Variants in LUZP2 observed in about 807,000 individuals in gnomAD.
LUZP2 encodes leucine zipper protein 2.
Under a neutral mutation model 51.6 loss-of-function variants are expected in LUZP2, and 52 were observed. That is an observed-to-expected ratio of 1.01 (90% CI 0.81 to 1.27). The LOEUF is 1.27. LUZP2 is among the 50% of genes most tolerant of loss of function. The probability of loss-of-function intolerance (pLI) is 0.00; values close to 1 mark genes in which losing one functional copy is unlikely to be tolerated. For missense variants in LUZP2, 436 were observed against 395.4 expected, an observed-to-expected ratio of 1.10 and a Z score of -0.87; for synonymous variants, 154 against 137.3, an observed-to-expected ratio of 1.12 and a Z score of -0.85.
chr11:24,595,413 T>C (rs1264531395), intron 1 of LUZP2, among the ~76,000 whole-genome samples: 3 of 152,120 alleles, frequency 2.0e-5, no homozygotes, highest in Non-Finnish European at 4.4e-5. Context: ...GGTTAGCGGT[T>C]TACATTAGTC....
At chr11:24,656,730 T>C (rs527393045) in intron 1 of LUZP2, among the ~76,000 whole-genome samples, 2 of 152,186 alleles carry the variant, frequency 1.3e-5, no homozygotes, top group Non-Finnish European at 2.9e-5. Context: ...TAAGGCTCCT[T>C]TTCTCCAACT....
intron 9 of LUZP2, among the ~76,000 whole-genome samples, chr11:24,986,952 A>G (rs372236883): frequency 6.6e-6 from 1 of 151,934 alleles, no homozygotes; most frequent in East Asian, 1.9e-4. Context: ...TAGTCAGACT[A>G]AGTAAAAATC....
intron 5 of LUZP2, among the ~76,000 whole-genome samples, chr11:24,862,813 A>G (rs561334206): frequency 6.6e-6 from 1 of 152,358 alleles, no homozygotes; most frequent in South Asian, 2.1e-4. Context: ...AATTGTATCT[A>G]ATAAAGAACT....
intron 9 of LUZP2, among the ~76,000 whole-genome samples, chr11:24,996,053 T>G (rs1856487542): frequency 1.3e-5 from 2 of 151,168 alleles, no homozygotes; most frequent in South Asian, 4.1e-4. Context: ...TTCTCTTTGT[T>G]ATTGGTTTCC....
At chr11:24,879,103 C>G (rs1356824290) in intron 5 of LUZP2, among the ~76,000 whole-genome samples, 5 of 152,020 alleles carry the variant, frequency 3.3e-5, no homozygotes, top group Non-Finnish European at 7.4e-5. Flanking sequence ...CACCACCATG[C>G]CCGGCTAATT....
chr11:24,739,057 A>G (rs1470855604), intron 4 of LUZP2, among the ~76,000 whole-genome samples: 2 of 152,092 alleles, frequency 1.3e-5, no homozygotes, highest in East Asian at 1.9e-4. Flanking sequence ...CAGATCAGGA[A>G]AGACTCCCAC....
intron 1 of LUZP2, among the ~76,000 whole-genome samples, chr11:24,634,994 C>T (rs1378476927): frequency 1.3e-5 from 2 of 151,940 alleles, no homozygotes; most frequent in African/African-American, 2.4e-5. Context: ...ATAATAATAA[C>T]GTTAAACATA....
chr11:24,996,569 CTTTTT>C (rs1554951921), intron 9 of LUZP2, among the ~76,000 whole-genome samples: 8 of 141,578 alleles, frequency 5.7e-5, no homozygotes, highest in African/African-American at 2.0e-4. Context: ...TTTCTTTTTT[CTTTTT>C]TTATTTTATT....
chr11:24,542,025 G>A (rs1006916886), intron 1 of LUZP2, among the ~76,000 whole-genome samples: 2 of 152,012 alleles, frequency 1.3e-5, no homozygotes, highest in African/African-American at 4.8e-5. Context: ...ATACCAAAAA[G>A]ATGAATTCTT....
At chr11:24,871,293 A>G (rs1852063401) in intron 5 of LUZP2, among the ~76,000 whole-genome samples, 1 of 152,118 alleles carries the variant, frequency 6.6e-6, no homozygotes, top group Non-Finnish European at 1.5e-5. Flanking sequence ...GTTGTCAACC[A>G]TCACAATTTC....
intron 7 of LUZP2, among the ~76,000 whole-genome samples, chr11:24,947,688 CT>C (rs1241725236): frequency 6.6e-6 from 1 of 151,750 alleles, no homozygotes. Context: ...CTGGTAATAC[CT>C]TTTCTTTGGC....
At chr11:25,057,783 G>T (rs142183097) in intron 10 of LUZP2, among the ~76,000 whole-genome samples, 8 of 152,014 alleles carry the variant, frequency 5.3e-5, no homozygotes, top group African/African-American at 1.4e-4. Context: ...CATTACATCT[G>T]CTTGCAAGTC....
intron 4 of LUZP2, among the ~76,000 whole-genome samples, chr11:24,748,735 G>A (rs1694390654): frequency 6.6e-6 from 1 of 151,998 alleles, no homozygotes; most frequent in Non-Finnish European, 1.5e-5. Flanking sequence ...GGGATTATAG[G>A]TATGAGCCAC....
chr11:24,757,307 C>T (rs887603062), intron 4 of LUZP2, among the ~76,000 whole-genome samples: 16 of 151,964 alleles, frequency 1.1e-4, no homozygotes, highest in Non-Finnish European at 1.5e-4. Context: ...ATTAGTAGCA[C>T]ATATGTTATT....
intron 9 of LUZP2, among the ~76,000 whole-genome samples, chr11:25,041,215 T>C (rs1017200997): frequency 6.6e-6 from 1 of 152,176 alleles, no homozygotes; most frequent in Non-Finnish European, 1.5e-5. Flanking sequence ...GAATCCTCTA[T>C]ACGCTGTATT....
At chr11:24,557,770 A>G (rs1485426027) in intron 1 of LUZP2, among the ~76,000 whole-genome samples, 1 of 152,146 alleles carries the variant, frequency 6.6e-6, no homozygotes, top group Non-Finnish European at 1.5e-5. Context: ...TTTGTACTGC[A>G]TATTTAGATA....
chr11:24,729,187 A>C lies in LUZP2; in HGVS notation c.81A>C (p.Leu27=). The change falls in exon 2 of 12, where the codon CTA becomes CTC. Residue 27 remains leucine, a synonymous_variant. Transcript: ENST00000336930. ...GTGTTAGACAGGACTATGAAGAGCT[A>C]GAAAAGCAGCTGAAAGAAGTCTTTA... The part of the protein sequence containing the change: ...VLSTRQDYEE[L]EKQLKEVFKE... 1 of 1,571,886 alleles carries C rather than the reference A, an allele frequency of 6.4e-7. No homozygotes were observed. The highest frequency in any genetic ancestry group is 8.7e-7 in the Non-Finnish European group (1 of 1,151,698).
chr11:24,871,324 A>G (rs566058478), intron 5 of LUZP2, among the ~76,000 whole-genome samples: 25 of 152,244 alleles, frequency 1.6e-4, no homozygotes. Flanking sequence ...ATGGTTAATG[A>G]ATGACCTTAA....
At chr11:24,964,609 A>G (rs955450043) in intron 7 of LUZP2, among the ~76,000 whole-genome samples, 7 of 152,130 alleles carry the variant, frequency 4.6e-5, no homozygotes, top group African/African-American at 1.2e-4. Context: ...TCTCTTTAAA[A>G]TTAATAACTA....
Sources: gnomAD v4.1 joint callset for allele counts (sites outside exome capture counted in the v4.1 genomes callset) on GRCh38, gnomAD v4.1.1 for gene constraint, MANE v1.5 for transcripts, NCBI Gene and HGNC (gene_info 2026-07-23, HGNC 2026-07-21) for gene names.